Variants in SUCLG2 observed in about 807,000 individuals in gnomAD.
SUCLG2 encodes succinate--CoA ligase [GDP-forming] subunit beta, mitochondrial.
Under a neutral mutation model 47.9 loss-of-function variants are expected in SUCLG2, and 42 were observed. The observed-to-expected ratio is 0.88, with a 90% CI of 0.69 to 1.14. SUCLG2 has a LOEUF of 1.14. SUCLG2 is among the 50% of genes most tolerant of loss of function. The pLI is 0.00. For missense variants in SUCLG2, 571 were observed against 525.9 expected (o/e 1.09, Z -0.84); for synonymous variants, 195 against 197.3 (o/e 0.99, Z 0.10).
At chr3:67,538,689 A>G (rs9876622) in intron 2 of SUCLG2, among the ~76,000 whole-genome samples, 101,771 of 152,076 alleles carry the variant, frequency 0.67, 34,283 homozygotes, top group Admixed American at 0.74. Context: ...TCCTATCCAT[A>G]AGCATGGAAT....
intron 4 of SUCLG2, among the ~76,000 whole-genome samples, chr3:67,522,579 T>A (rs747081074): frequency 5.9e-5 from 9 of 151,944 alleles, no homozygotes; most frequent in Non-Finnish European, 1.0e-4. Context: ...ATATCTTGGA[T>A]GTTTAAAGAA....
At chr3:67,505,196 T>G (rs759198552) in intron 7 of SUCLG2, among the ~76,000 whole-genome samples, 2 of 152,168 alleles carry the variant, frequency 1.3e-5, no homozygotes, top group Non-Finnish European at 1.5e-5. Context: ...GGGAGCCATC[T>G]TTGCTGCCAG....
intron 9 of SUCLG2, among the ~76,000 whole-genome samples, chr3:67,412,045 T>C (rs1430438683): frequency 6.6e-6 from 1 of 152,162 alleles, no homozygotes; most frequent in Admixed American, 6.6e-5. Context: ...AGTGTCACTG[T>C]CACCAAAAAA....
rs571171278 is a variant in SUCLG2 at position 67,487,131 on chromosome 3, C to A, written c.1062+8667G>T. Among the ~76,000 whole-genome samples the A allele has an allele frequency of 2.6e-5, 4 of 152,148 alleles. No homozygotes were observed. The South Asian group carries it at 8.3e-4, about 32-fold the overall frequency. ...TCTTATTAATAACTAGAGGAACATG[C>A]CACTTCTGATCCTAATATTCATCTT... On this transcript the variant is annotated intron_variant, in intron 9 of 10. Coordinates refer to ENST00000307227, the MANE Select transcript of SUCLG2 (RefSeq NM_003848.4).
At chr3:67,381,085 G>C (rs3892901) in intron 10 of SUCLG2, among the ~76,000 whole-genome samples, 1 of 151,892 alleles carries the variant, frequency 6.6e-6, no homozygotes. Flanking sequence ...GCTGAGGTCA[G>C]AGGACCGCTT....
chr3:67,372,485 A>T (rs964946627), downstream of SUCLG2, among the ~76,000 whole-genome samples: 1 of 152,164 alleles, frequency 6.6e-6, no homozygotes, highest in Non-Finnish European at 1.5e-5. Context: ...GAGTTAGTTG[A>T]TAGGTGCAGC....
intron 2 of SUCLG2, among the ~76,000 whole-genome samples, chr3:67,584,237 A>C (rs1707953550): frequency 6.6e-6 from 1 of 152,202 alleles, no homozygotes; most frequent in South Asian, 2.1e-4. Context: ...AACTATTAAT[A>C]CATTCAACAA....
At chr3:67,580,956 C>A (rs1190574352) in intron 2 of SUCLG2, among the ~76,000 whole-genome samples, 1 of 152,120 alleles carries the variant, frequency 6.6e-6, no homozygotes, top group Non-Finnish European at 1.5e-5. Flanking sequence ...TGGGAAATAC[C>A]TTCCGAAAAT....
chr3:67,582,545 C>A (rs1382033231), intron 2 of SUCLG2, among the ~76,000 whole-genome samples: 2 of 152,152 alleles, frequency 1.3e-5, no homozygotes, highest in African/African-American at 4.8e-5. Flanking sequence ...GATTCCATGT[C>A]TTTGCTATAG....
Position 67,539,587 on chromosome 3 carries a change from G to A in SUCLG2, c.227-10401C>T, listed in dbSNP as rs1262882371. 7.2e-5 allele frequency among the ~76,000 whole-genome samples: 11 copies of A among 152,178 alleles called. 1 individual carries two copies. Among genetic ancestry groups the A allele is most frequent in the Admixed American group, 7.2e-4 (11 of 15,282 alleles). ...TGCTGGCATCATAAAATGAGTTAGGGACGAGTCCCTCCTTTTCTATTGTTT... is the reference window on the plus strand; with the variant it reads ...TGCTGGCATCATAAAATGAGTTAGGAACGAGTCCCTCCTTTTCTATTGTTT... On this transcript the variant is annotated intron_variant, in intron 2 of 10. Transcript: ENST00000307227.
At chr3:67,455,232 C>A (rs968125049) in intron 9 of SUCLG2, among the ~76,000 whole-genome samples, 57 of 152,320 alleles carry the variant, frequency 3.7e-4, no homozygotes, top group African/African-American at 1.3e-3. Flanking sequence ...AAATCCATAA[C>A]TTGAAACTGA....
intron 1 of SUCLG2, among the ~76,000 whole-genome samples, chr3:67,636,317 T>G (rs565187155): frequency 2.0e-5 from 3 of 151,166 alleles, no homozygotes; most frequent in African/African-American, 7.3e-5. Context: ...AGATTCTCAT[T>G]CAAAGAGGTA....
At position 67,375,295 on chromosome 3, in the gene SUCLG2, G is replaced by A. The variant is rs954233559; in HGVS notation, c.*449C>T. ...CTTTTTAGTAGCTAATATGTTCAGT[G>A]TAATCTTATGCCTTTTTAGTAATTA... On this transcript the variant is annotated 3_prime_UTR_variant, in exon 11 of 11. Coordinates refer to ENST00000307227, the MANE Select transcript of SUCLG2 (RefSeq NM_003848.4). 2.0e-6 allele frequency: 2 copies of A among 982,730 alleles called. No homozygotes were observed. The highest frequency in any genetic ancestry group is 3.5e-5 in the African/African-American group (2 of 57,142). 60.9% of individuals were successfully genotyped at this position (982,730 alleles called of 1,614,324 possible).
At chr3:67,571,214 G>A (rs1281222571) in intron 2 of SUCLG2, among the ~76,000 whole-genome samples, 1 of 152,084 alleles carries the variant, frequency 6.6e-6, no homozygotes, top group Non-Finnish European at 1.5e-5. Flanking sequence ...ACACAGTTCT[G>A]GTGGTTACAA....
intron 2 of SUCLG2, among the ~76,000 whole-genome samples, chr3:67,607,862 C>T (rs1700451892): frequency 6.6e-6 from 1 of 152,136 alleles, no homozygotes; most frequent in South Asian, 2.1e-4. Flanking sequence ...TGTAAGACAT[C>T]CCTTTGCTCT....
chr3:67,532,610 A>C (rs561756296), intron 2 of SUCLG2, among the ~76,000 whole-genome samples: 1 of 152,298 alleles, frequency 6.6e-6, no homozygotes, highest in East Asian at 1.9e-4. Flanking sequence ...TCTGAAAATA[A>C]CCAGTACTCA....
In SUCLG2 at chr3:67,650,953, T is replaced by A. The variant is rs535210226; in HGVS notation, c.84+3550A>T. Among the ~76,000 whole-genome samples, 40 of 152,284 alleles carry A rather than the reference T, an allele frequency of 2.6e-4. No individual in the cohort carries two copies. In the East Asian group the frequency reaches 7.3e-3, roughly 28 times the overall value. ...ACTTGACTGGCAGTATGTACTCATA[T>A]CTTGCCCACCATGGCAGTGCCTGGC... On this transcript the variant is annotated intron_variant, in intron 1 of 10. Transcript: ENST00000307227.
chr3:67,613,012 G>A (rs1575816605), intron 1 of SUCLG2, among the ~76,000 whole-genome samples: 1 of 152,196 alleles, frequency 6.6e-6, no homozygotes, highest in Admixed American at 6.5e-5. Flanking sequence ...GTATGCCCAT[G>A]GAGCTTCCAT....
chr3:67,519,027 G>T (rs1230580392), intron 5 of SUCLG2, among the ~76,000 whole-genome samples: 1 of 151,574 alleles, frequency 6.6e-6, no homozygotes, highest in Non-Finnish European at 1.5e-5. Context: ...TTCAAATAAC[G>T]TTACTTCATT....
Sources: gnomAD v4.1 joint callset for allele counts (sites outside exome capture counted in the v4.1 genomes callset) on GRCh38, gnomAD v4.1.1 for gene constraint, MANE v1.5 for transcripts, NCBI Gene and HGNC (gene_info 2026-07-23, HGNC 2026-07-21) for gene names.